Variants in RRM1 observed in about 807,000 individuals in gnomAD.
RRM1 encodes the protein ribonucleoside-diphosphate reductase large subunit.
A neutral mutation model predicts 101.5 loss-of-function variants in RRM1; 19 were observed. The ratio of observed to expected loss-of-function variants is 0.19; its 90% CI spans 0.13 to 0.27. The LOEUF is 0.27. Ranked by LOEUF, RRM1 falls within the 10% of genes least tolerant of loss-of-function variation. RRM1 has a pLI of 1.00. For synonymous variants in RRM1, 298 were observed against 323.4 expected, an observed-to-expected ratio of 0.92 and a Z score of 0.84; for missense variants, 500 against 962.9, an observed-to-expected ratio of 0.52 and a Z score of 6.36.
chr11:4,100,040 C>T (rs1811228653), intron 1 of RRM1, among the ~76,000 whole-genome samples: 2 of 152,172 alleles, frequency 1.3e-5, no homozygotes, highest in African/African-American at 4.8e-5. Flanking sequence ...AGGTTTCAGT[C>T]CCAGTGCCAG....
intron 17 of RRM1, among the ~76,000 whole-genome samples, chr11:4,134,248 A>C (rs1019392419): frequency 5.3e-5 from 8 of 152,182 alleles, no homozygotes; most frequent in Non-Finnish European, 7.3e-5. Flanking sequence ...CTAGGATTAC[A>C]TGCATGAGCC....
intron 1 of RRM1, among the ~76,000 whole-genome samples, chr11:4,101,580 C>T (rs1004815194): frequency 4.1e-5 from 6 of 147,334 alleles, no homozygotes; most frequent in Non-Finnish European, 5.9e-5. Flanking sequence ...CTCCCTTGGC[C>T]TCCCAAAGTG....
chr11:4,109,519 C>T (rs2094562646), intron 4 of RRM1, 125 bp from the exon 5 acceptor site: 1 of 572,392 alleles, frequency 1.7e-6, no homozygotes, highest in Admixed American at 3.5e-5. Context: ...AGTAATAATG[C>T]TTAGTGTTAT....
intron 8 of RRM1, among the ~76,000 whole-genome samples, chr11:4,118,903 A>G (rs2094577654): frequency 6.6e-6 from 1 of 152,230 alleles, no homozygotes. Flanking sequence ...TTTACAAGTG[A>G]GGAAATTGAG....
chr11:4,112,698 A>G (rs868239419), intron 7 of RRM1, among the ~76,000 whole-genome samples: 7 of 152,214 alleles, frequency 4.6e-5, no homozygotes, highest in South Asian at 2.1e-4. Context: ...TTTAAAAAGA[A>G]GGTAAGTGCC....
intron 1 of RRM1, among the ~76,000 whole-genome samples, chr11:4,100,260 A>G (rs1386593759): frequency 6.6e-6 from 1 of 152,216 alleles, no homozygotes; most frequent in Non-Finnish European, 1.5e-5. Flanking sequence ...TAGGCACTAA[A>G]TTTGAGAATA....
rs760818964 is a variant in RRM1 at position 4,122,227 on chromosome 11, G to A, written c.1118+7G>A. 12 of 1,563,794 alleles carry A rather than the reference G, an allele frequency of 7.7e-6. No individual in the cohort carries two copies. In the South Asian group the frequency reaches 1.1e-4, roughly 15 times the overall value. On this transcript the variant is annotated splice_region_variant and intron_variant, in intron 11 of 18. Transcript: ENST00000300738. ...TTGAGAAACTATATGCAAGGTATGG[G>A]AAAAATATGAAAGAAAACAATAATG... is the stretch of plus-strand genomic sequence containing the variant.
At chr11:4,125,819 G>C (rs867921281) in intron 12 of RRM1, among the ~76,000 whole-genome samples, 1 of 152,010 alleles carries the variant, frequency 6.6e-6, no homozygotes, top group East Asian at 1.9e-4. Flanking sequence ...GCATTTATTA[G>C]ACTTCTGTGA....
At chr11:4,126,375 G>C (rs995206089) in intron 12 of RRM1, among the ~76,000 whole-genome samples, 2 of 152,184 alleles carry the variant, frequency 1.3e-5, no homozygotes, top group African/African-American at 4.8e-5. Context: ...ATAGGTATAT[G>C]TAAAAAGCTA....
At chr11:4,114,537 C>T (rs766391605) in intron 7 of RRM1, among the ~76,000 whole-genome samples, 34 of 142,598 alleles carry the variant, frequency 2.4e-4, no homozygotes, top group Non-Finnish European at 4.7e-4. Flanking sequence ...GCAACAGGAG[C>T]GAAACTCTAT....
chr11:4,101,403 C>G (rs1399588158), intron 1 of RRM1, among the ~76,000 whole-genome samples: 1 of 151,980 alleles, frequency 6.6e-6, no homozygotes. Context: ...ACCTCCGCCT[C>G]CTGGGTTCAA....
In RRM1 at chr11:4,094,827, G is replaced by C; in HGVS notation, c.-186G>C. 1 of 623,114 alleles carries C rather than the reference G, an allele frequency of 1.6e-6. No homozygotes were observed. The highest frequency in any genetic ancestry group is 2.8e-6 in the Non-Finnish European group (1 of 350,910). 38.6% of individuals were successfully genotyped at this position (623,114 alleles called of 1,614,324 possible). ...TTTGTGCGTCACGGGTGGCGGGCGC[G>C]GGAAGGGGATTTGGATTGTTGCGCC... On this transcript the variant is annotated 5_prime_UTR_variant, in exon 1 of 19. Coordinates refer to ENST00000300738, the MANE Select transcript of RRM1 (RefSeq NM_001033.5).
chr11:4,122,056 G>A, intron 10 of RRM1, 85 bp from the exon 11 acceptor site: 1 of 1,067,646 alleles, frequency 9.4e-7, no homozygotes, highest in East Asian at 2.4e-5. Context: ...GCTTGTAAAA[G>A]TCACCTTATG....
Position 4,138,368 on chromosome 11 carries a change from G to T in RRM1, c.2364G>T (p.Leu788=). The part of the protein sequence containing the change: ...VCSLENRDEC[L]MCGS Reference sequence around the variant, plus strand: ...CTTTGGAGAATAGAGATGAATGTCTGATGTGTGGATCCTGAGGAAAGACTT... The same window carrying T: ...CTTTGGAGAATAGAGATGAATGTCTTATGTGTGGATCCTGAGGAAAGACTT... Residue 788 remains leucine (L), a synonymous_variant, in exon 19 of 19, where the codon CTG becomes CTT. Coordinates refer to ENST00000300738, the MANE Select transcript of RRM1 (RefSeq NM_001033.5). 1 of 1,605,180 alleles carries T rather than the reference G, an allele frequency of 6.2e-7. No individual in the cohort carries two copies. The highest frequency in any genetic ancestry group is 8.5e-7 in the Non-Finnish European group (1 of 1,176,424).
Position 4,138,598 on chromosome 11 carries a change from G to T in RRM1, c.*215G>T, listed in dbSNP as rs1237584350. 4.0e-5 allele frequency: 12 copies of T among 300,816 alleles called. No homozygotes were observed. Among genetic ancestry groups the T allele is most frequent in the Non-Finnish European group, 5.4e-5 (9 of 166,352 alleles). 18.6% of individuals were successfully genotyped at this position (300,816 alleles called of 1,614,324 possible). A position where few individuals can be genotyped will look rare whatever the true frequency, so the allele number is the denominator to read the frequency against. Reference sequence around the variant, plus strand: ...ACCAAAATAATGCTTTTGAAAAAAAGAAAAAAAAAACGGATATATTGAGAA... The same window carrying T: ...ACCAAAATAATGCTTTTGAAAAAAATAAAAAAAAAACGGATATATTGAGAA... On this transcript the variant is annotated 3_prime_UTR_variant, in exon 19 of 19. Coordinates refer to ENST00000300738, the MANE Select transcript of RRM1 (RefSeq NM_001033.5).
rs773984266 is a variant in RRM1, at chr11:4,119,856, T to C, written c.804T>C (p.Asn268=). The C allele has an allele frequency of 6.2e-7, 1 of 1,602,248 alleles. No individual in the cohort carries two copies. Among genetic ancestry groups the C allele is most frequent in the African/African-American group, 1.3e-5 (1 of 74,790 alleles). ...TGSYIAGTNG[N]SNGLVPMLRV... ...GGTCTCTCTTTTAGACTAATGGCAA[T>C]TCCAATGGCCTTGTACCGATGCTGA... Residue 268 remains asparagine (N), a synonymous_variant, in exon 9 of 19, where the codon AAT becomes AAC. Coordinates refer to ENST00000300738, the MANE Select transcript of RRM1 (RefSeq NM_001033.5).
chr11:4,107,387 G>A (rs534565912), intron 3 of RRM1, 48 bp from the exon 4 acceptor site: 1 of 1,220,128 alleles, frequency 8.2e-7, no homozygotes, highest in Admixed American at 1.7e-5. Flanking sequence ...GATTGAATTA[G>A]CTGTTAAGTG....
intron 9 of RRM1, 94 bp from the exon 10 acceptor site, chr11:4,121,510 A>T: frequency 2.6e-6 from 2 of 780,494 alleles, no homozygotes; most frequent in Non-Finnish European, 3.9e-6. Flanking sequence ...TTGTAGTGAA[A>T]ATCAAAGGAG....
In RRM1 at chr11:4,127,026, G is replaced by T. The variant is rs764758755; in HGVS notation, c.1471-9G>T. On this transcript the variant is annotated splice_polypyrimidine_tract_variant and intron_variant, in intron 13 of 18. Coordinates refer to ENST00000300738, the MANE Select transcript of RRM1 (RefSeq NM_001033.5). ...TTTCTCCTTTTCTTTAAAATCTGTTGACACAAAGGCATGCCTATCAAATAA... is the reference window on the plus strand; with the variant it reads ...TTTCTCCTTTTCTTTAAAATCTGTTTACACAAAGGCATGCCTATCAAATAA... The T allele has an allele frequency of 3.1e-6, 5 of 1,596,128 alleles. No homozygotes were observed. The highest frequency in any genetic ancestry group is 1.1e-5 in the South Asian group (1 of 87,904).
Sources: allele counts gnomAD v4.1 joint callset (sites outside exome capture counted in the v4.1 genomes callset), GRCh38; gene constraint gnomAD v4.1.1; transcripts MANE v1.5; gene names NCBI Gene and HGNC (gene_info 2026-07-23, HGNC 2026-07-21).